Variants in RPS6KB1 observed in about 807,000 individuals in gnomAD.
The protein encoded by RPS6KB1 is ribosomal protein S6 kinase B1.
Under a neutral mutation model 70.2 loss-of-function variants are expected in RPS6KB1, and 12 were observed. The ratio of observed to expected loss-of-function variants is 0.17; its 90% confidence interval spans 0.11 to 0.28. The LOEUF is 0.28. RPS6KB1 is among the 10% of genes least tolerant of loss of function. RPS6KB1 has a pLI of 1.00. For synonymous variants in RPS6KB1, 175 were observed against 211.2 expected, an observed-to-expected ratio of 0.83 and a Z score of 1.49; for missense variants, 270 against 646.6, an observed-to-expected ratio of 0.42 and a Z score of 6.32.
intron 1 of RPS6KB1, among the ~76,000 whole-genome samples, chr17:59,899,206 GAA>G (rs1414291151): frequency 7.4e-6 from 1 of 135,932 alleles, no homozygotes; most frequent in Non-Finnish European, 1.6e-5. Context: ...CTTCGTCTCA[GAA>G]AAAAAAAAAA....
At position 59,934,956 on chromosome 17, in the gene RPS6KB1, G is replaced by A. The variant is rs2044146131; in HGVS notation, c.871-237G>A. The A allele has an allele frequency of 7.3e-6, 3 of 411,386 alleles. No individual in the cohort carries two copies. The highest frequency in any genetic ancestry group is 9.4e-5 in the East Asian group (2 of 21,366). The allele number at this position is 411,386 out of a possible 1,614,324, so 25.5% of individuals were successfully genotyped here. Reference sequence around the variant, plus strand: ...AGCCTAAGCTACTCAGGAGGCTGAGGTGGGAGGATCATTTGAGCTAAGGAT... The same window carrying A: ...AGCCTAAGCTACTCAGGAGGCTGAGATGGGAGGATCATTTGAGCTAAGGAT... On this transcript the variant is annotated intron_variant, in intron 9 of 14. Transcript: ENST00000225577. This position sits in a 1 kb window ranked among gnomAD's most constrained non-coding sequence, Gnocchi z 4.8.
At chr17:59,935,680 G>A (rs980804080) in intron 10 of RPS6KB1, among the ~76,000 whole-genome samples, 2 of 151,844 alleles carry the variant, frequency 1.3e-5, no homozygotes, top group African/African-American at 4.8e-5. Context: ...TCACCGTGTT[G>A]GTCAGTCTGG....
intron 1 of RPS6KB1, among the ~76,000 whole-genome samples, chr17:59,896,078 T>G (rs977808455): frequency 2.0e-5 from 3 of 152,256 alleles, no homozygotes; most frequent in Non-Finnish European, 4.4e-5. Flanking sequence ...TCAGTTATGT[T>G]GGTTCTCTAT....
Position 59,934,294 on chromosome 17 carries a change from G to A in RPS6KB1, c.779+34G>A, listed in dbSNP as rs778675902. The stretch of plus-strand genomic sequence containing the variant: ...CATGTTAAACATAATTGGTTTGGGG[G>A]TAATAGCTAATTTTACCTGTTTTAA... On this transcript the variant is annotated intron_variant, in intron 8 of 14. Coordinates refer to ENST00000225577, the MANE Select transcript of RPS6KB1 (RefSeq NM_003161.4). This position sits in a 1 kb window ranked among gnomAD's most constrained non-coding sequence, Gnocchi z 4.8. The A allele has an allele frequency of 5.0e-5, 75 of 1,514,730 alleles. 1 individual carries two copies. The Middle Eastern group carries it at 1.0e-3, about 21-fold the overall frequency. The allele number at this position is 1,514,730 out of a possible 1,614,324, so 93.8% of individuals were successfully genotyped here.
intron 1 of RPS6KB1, among the ~76,000 whole-genome samples, chr17:59,895,886 G>A (rs555195239): frequency 1.3e-5 from 2 of 152,190 alleles, no homozygotes; most frequent in East Asian, 3.9e-4. Context: ...GCCAGCCTTG[G>A]CCTCTCAAAG....
At chr17:59,916,066 C>CGAGCCTGGCAGTATT in intron 4 of RPS6KB1, among the ~76,000 whole-genome samples, 1 of 151,754 alleles carries the variant, frequency 6.6e-6, no homozygotes. Flanking sequence ...CATGAGCCAC[C>CGAGCCTGGCAGTATT]ATGCCCAGCC....
intron 7 of RPS6KB1, among the ~76,000 whole-genome samples, chr17:59,932,738 A>G (rs1206610930): frequency 2.0e-5 from 3 of 151,978 alleles, no homozygotes; most frequent in Non-Finnish European, 4.4e-5. Flanking sequence ...TTTTTTGTAG[A>G]AATGGGGTTT....
At chr17:59,937,072 G>T (rs1157742715) in intron 12 of RPS6KB1, among the ~76,000 whole-genome samples, 1 of 152,100 alleles carries the variant, frequency 6.6e-6, no homozygotes, top group African/African-American at 2.4e-5. Context: ...ATGTCACCCA[G>T]ACTGGTCTTG....
chr17:59,914,038 G>GT (rs2042801709), intron 3 of RPS6KB1, among the ~76,000 whole-genome samples: 1 of 152,054 alleles, frequency 6.6e-6, no homozygotes, highest in East Asian at 1.9e-4. Context: ...ATTGTTTATT[G>GT]TTTTTTCCCC....
At chr17:59,901,642 A>AG in intron 1 of RPS6KB1, among the ~76,000 whole-genome samples, 1 of 149,680 alleles carries the variant, frequency 6.7e-6, no homozygotes, top group African/African-American at 2.5e-5. Context: ...AAAAAAAAAA[A>AG]AAAAGAAAAA....
chr17:59,931,586 C>T, intron 6 of RPS6KB1, 36 bp from the exon 7 acceptor site: 1 of 1,529,850 alleles, frequency 6.5e-7, no homozygotes, highest in Non-Finnish European at 9.1e-7. Context: ...ATAGATTACA[C>T]TCTTTTTAAT....
intron 12 of RPS6KB1, 148 bp from the exon 13 acceptor site, chr17:59,940,687 AT>A (rs1381137833): frequency 1.1e-5 from 5 of 454,272 alleles, no homozygotes; most frequent in African/African-American, 8.1e-5. Flanking sequence ...TTCCACCTAC[AT>A]TTTTTTCTTC....
Position 59,934,924 on chromosome 17 carries a change from T to C in RPS6KB1, c.871-269T>C. The stretch of plus-strand genomic sequence containing the variant: ...CACGTCTGCCGGCCACAGTGGTGCA[T>C]GCCTGTAGCCTAAGCTACTCAGGAG... On this transcript the variant is annotated intron_variant, in intron 9 of 14. Transcript: ENST00000225577. This position sits in a 1 kb window ranked among gnomAD's most constrained non-coding sequence, Gnocchi z 4.8. 1 of 384,872 alleles carries C rather than the reference T, an allele frequency of 2.6e-6. No individual in the cohort carries two copies. The highest frequency in any genetic ancestry group is 4.7e-6 in the Non-Finnish European group (1 of 212,448). The allele number at this position is 384,872 out of a possible 1,614,324, so 23.8% of individuals were successfully genotyped here.
At chr17:59,901,625 GA>G (rs58530265) in intron 1 of RPS6KB1, among the ~76,000 whole-genome samples, 42,497 of 79,296 alleles carry the variant, frequency 0.54, 9,244 homozygotes, top group African/African-American at 0.67. Flanking sequence ...CCCTGTCTCT[GA>G]AAAAAAAAAA....
chr17:59,896,635 G>A lies in RPS6KB1; in HGVS notation c.141+3310G>A, dbSNP rs555914616. On this transcript the variant is annotated intron_variant, in intron 1 of 14. Transcript: ENST00000225577. ...AGCAAGTAGGATTTTGAGAAGGTGT[G>A]AGGAGGAGGTCAGAAAAATTGGTGG... Among the ~76,000 whole-genome samples, 18 of 152,234 alleles carry A rather than the reference G, an allele frequency of 1.2e-4. No individual in the cohort carries two copies. In the South Asian group the frequency reaches 3.5e-3, roughly 30 times the overall value.
chr17:59,930,621 C>T (rs1377349081), intron 6 of RPS6KB1, among the ~76,000 whole-genome samples: 1 of 152,030 alleles, frequency 6.6e-6, no homozygotes, highest in African/African-American at 2.4e-5. Flanking sequence ...TGGGATTTAC[C>T]CTCCTATTTC....
Position 59,936,288 on chromosome 17 carries a change from G to A in RPS6KB1, c.1041+11G>A. The A allele has an allele frequency of 6.3e-7, 1 of 1,591,140 alleles. No homozygotes were observed. On this transcript the variant is annotated intron_variant, in intron 11 of 14. Coordinates refer to ENST00000225577, the MANE Select transcript of RPS6KB1 (RefSeq NM_003161.4). ...GCTGGAGAAGTTCAAGTAGGGATTG[G>A]CATCTTTGGTGTTTTGTGGGGAAGA...
At chr17:59,921,539 C>T (rs938470788) in intron 4 of RPS6KB1, among the ~76,000 whole-genome samples, 2 of 152,088 alleles carry the variant, frequency 1.3e-5, no homozygotes, top group Non-Finnish European at 2.9e-5. Context: ...TATACCTCTT[C>T]CCCCAGACTT....
In RPS6KB1 at chr17:59,936,244, G is replaced by A. The variant is rs141890234; in HGVS notation, c.1008G>A (p.Leu336=). The stretch of plus-strand genomic sequence containing the variant: ...TGAAAAGAAATGCTGCTTCTCGTCT[G>A]GGAGCTGGTCCTGGGGACGCTGGAG... ...KLLKRNAASR[L]GAGPGDAGEV... is the part of the protein sequence containing the mutation. Residue 336 remains leucine (L), a synonymous_variant, in exon 11 of 15, where the codon CTG becomes CTA. Coordinates refer to ENST00000225577, the MANE Select transcript of RPS6KB1 (RefSeq NM_003161.4). 5 of 1,598,404 alleles carry A rather than the reference G, an allele frequency of 3.1e-6. No individual in the cohort carries two copies. Among genetic ancestry groups the A allele is most frequent in the Admixed American group, 1.8e-5 (1 of 54,348 alleles).
Sources: gnomAD v4.1 joint callset for allele counts (sites outside exome capture counted in the v4.1 genomes callset) on GRCh38, gnomAD v4.1.1 for gene constraint, Gnocchi (gnomAD v3.1) non-coding constraint, MANE v1.5 for transcripts, NCBI Gene and HGNC (gene_info 2026-07-23, HGNC 2026-07-21) for gene names.